Variants in RBFOX1 observed in about 807,000 individuals in gnomAD.
The protein encoded by RBFOX1 is RNA binding fox-1 homolog 1.
Under a neutral mutation model 57.7 loss-of-function variants are expected in RBFOX1, and 8 were observed. The observed-to-expected ratio is 0.14, with a 90% CI of 0.08 to 0.25. The LOEUF is 0.25. Ranked by LOEUF, RBFOX1 falls within the 10% of genes least tolerant of loss-of-function variation. The pLI is 1.00. For missense variants in RBFOX1, 611 were observed against 548.5 expected (o/e 1.11, Z -1.14); for synonymous variants, 326 against 222.4 (o/e 1.47, Z -4.15).
chr16:5,503,401 C>A, intron 2 of RBFOX1, among the ~76,000 whole-genome samples: 1 of 152,312 alleles, frequency 6.6e-6, no homozygotes, highest in South Asian at 2.1e-4. Context: ...TATAATTCAT[C>A]AATTTCAAGT....
chr16:5,392,430 A>G (rs186283676), intron 1 of RBFOX1, among the ~76,000 whole-genome samples: 429 of 152,220 alleles, frequency 2.8e-3, no homozygotes, highest in Middle Eastern at 0.017. Flanking sequence ...ATACTTGGAT[A>G]TCTTTAGGCA....
At chr16:5,397,174 C>A (rs1411117551) in intron 1 of RBFOX1, among the ~76,000 whole-genome samples, 1 of 152,232 alleles carries the variant, frequency 6.6e-6, no homozygotes, top group African/African-American at 2.4e-5. Context: ...TAAAGTCACC[C>A]TGGAGGTGAC....
At chr16:6,243,544 C>T (rs913551758) in intron 1 of RBFOX1, among the ~76,000 whole-genome samples, 1 of 152,152 alleles carries the variant, frequency 6.6e-6, no homozygotes, top group African/African-American at 2.4e-5. Context: ...AACAGTCAGT[C>T]CTCGTTCAGC....
At chr16:6,625,466 C>A (rs1378328162) in intron 2 of RBFOX1, among the ~76,000 whole-genome samples, 2 of 152,116 alleles carry the variant, frequency 1.3e-5, no homozygotes, top group Non-Finnish European at 2.9e-5. Context: ...AAATGGGATA[C>A]AAAGTCCAAG....
At chr16:7,254,218 C>G (rs189877363) in intron 4 of RBFOX1, among the ~76,000 whole-genome samples, 8 of 152,232 alleles carry the variant, frequency 5.3e-5, no homozygotes, top group Admixed American at 1.3e-4. Flanking sequence ...GTTGGAGAAA[C>G]AAGGATCCCA....
rs565614813 is a variant in RBFOX1 at position 5,809,022 on chromosome 16, A to G, written c.319-58281A>G. 2.4e-4 allele frequency among the ~76,000 whole-genome samples: 36 copies of G among 152,300 alleles called. No homozygotes were observed. In the East Asian group the frequency reaches 6.2e-3, roughly 26 times the overall value. On this transcript the variant is annotated intron_variant, in intron 3 of 19. Coordinates refer to the RBFOX1 transcript ENST00000641259. ...CAGTTTTCAAACCCTAACGCTGCGT[A>G]TCTACAACTATCTGGTCTTTGACAA...
intron 2 of RBFOX1, among the ~76,000 whole-genome samples, chr16:6,479,443 C>T (rs1309870917): frequency 6.6e-6 from 1 of 151,540 alleles, no homozygotes; most frequent in Non-Finnish European, 1.5e-5. Flanking sequence ...CAAAATTTAG[C>T]CCGGCATGGT....
At chr16:7,243,268 C>G (rs1603440153) in intron 4 of RBFOX1, among the ~76,000 whole-genome samples, 1 of 152,250 alleles carries the variant, frequency 6.6e-6, no homozygotes, top group Non-Finnish European at 1.5e-5. Flanking sequence ...CCAAACCAGC[C>G]TATAGGCGTG....
At chr16:5,898,330 A>C (rs372735130) in intron 4 of RBFOX1, among the ~76,000 whole-genome samples, 14 of 152,128 alleles carry the variant, frequency 9.2e-5, no homozygotes, top group East Asian at 3.9e-4. Flanking sequence ...AAACCATGTC[A>C]GGGTATCATA....
At chr16:6,131,137 T>G (rs953872003) in intron 1 of RBFOX1, among the ~76,000 whole-genome samples, 1 of 152,208 alleles carries the variant, frequency 6.6e-6, no homozygotes, top group African/African-American at 2.4e-5. Context: ...CACTCATTCC[T>G]TTAGAGCTTT....
At chr16:6,489,969 A>G (rs1261602460) in intron 2 of RBFOX1, among the ~76,000 whole-genome samples, 1 of 152,174 alleles carries the variant, frequency 6.6e-6, no homozygotes, top group African/African-American at 2.4e-5. Context: ...TCTTCAAGAA[A>G]CTTAAGTCTT....
At chr16:5,674,539 G>C (rs2050109997) in intron 3 of RBFOX1, among the ~76,000 whole-genome samples, 2 of 152,176 alleles carry the variant, frequency 1.3e-5, no homozygotes, top group Admixed American at 1.3e-4. Flanking sequence ...ACAGAGCAAA[G>C]GTAGACAGAA....
chr16:5,715,813 G>C (rs1310880783), intron 3 of RBFOX1, among the ~76,000 whole-genome samples: 2 of 152,124 alleles, frequency 1.3e-5, no homozygotes, highest in African/African-American at 2.4e-5. Flanking sequence ...TCCTTTTACT[G>C]GCCCAAAGCA....
chr16:6,047,955 G>A (rs1305996966), intron 1 of RBFOX1, among the ~76,000 whole-genome samples: 1 of 152,162 alleles, frequency 6.6e-6, no homozygotes, highest in Non-Finnish European at 1.5e-5. Flanking sequence ...TCTGCATGTT[G>A]GAGGCACATT....
chr16:5,962,296 G>T (rs1418808390), intron 4 of RBFOX1, among the ~76,000 whole-genome samples: 1 of 152,236 alleles, frequency 6.6e-6, no homozygotes, highest in Non-Finnish European at 1.5e-5. Context: ...CCCAGACTCA[G>T]TCTCTCCCTG....
intron 3 of RBFOX1, among the ~76,000 whole-genome samples, chr16:6,682,648 T>C (rs1240203612): frequency 2.6e-5 from 4 of 151,830 alleles, no homozygotes; most frequent in African/African-American, 7.3e-5. Flanking sequence ...CCTTCTCCCA[T>C]TGAGACAACC....
rs942500297 is a variant in RBFOX1, at chr16:6,294,191, C to G, written c.-126-22804C>G. Among the ~76,000 whole-genome samples the G allele has an allele frequency of 2.6e-5, 4 of 152,020 alleles. No homozygotes were observed. The South Asian group carries it at 8.3e-4, about 32-fold the overall frequency. ...AGTGAGACCCTGTCTCTAAAGAAAACAAAAATAGATTTTCTGCATGGGGCC... is the reference window on the plus strand; with the variant it reads ...AGTGAGACCCTGTCTCTAAAGAAAAGAAAAATAGATTTTCTGCATGGGGCC... On this transcript the variant is annotated intron_variant, in intron 1 of 15. Coordinates refer to ENST00000550418, the MANE Select transcript of RBFOX1 (RefSeq NM_018723.4).
chr16:6,234,611 A>G (rs1049031582), intron 1 of RBFOX1, among the ~76,000 whole-genome samples: 2 of 152,322 alleles, frequency 1.3e-5, no homozygotes, highest in East Asian at 3.9e-4. Context: ...GTTCTGGAGA[A>G]TAATGACTCT....
intron 3 of RBFOX1, among the ~76,000 whole-genome samples, chr16:6,700,070 T>TCTCCCCCA (rs2061597371): frequency 6.6e-6 from 1 of 152,040 alleles, no homozygotes; most frequent in Non-Finnish European, 1.5e-5. Context: ...CATCAAATAC[T>TCTCCCCCA]CTCCCCCACT....
Sources: allele counts gnomAD v4.1 joint callset (sites outside exome capture counted in the v4.1 genomes callset), GRCh38; gene constraint gnomAD v4.1.1; transcripts MANE v1.5; gene names NCBI Gene and HGNC (gene_info 2026-07-23, HGNC 2026-07-21).